The following SLC12A6 variants were observed in gnomAD, a reference collection of about 807,000 sequenced individuals.
The protein encoded by SLC12A6 is K-Cl cotransporter 3.
A neutral mutation model predicts 135.3 loss-of-function variants in SLC12A6; 66 were observed. The ratio of observed to expected loss-of-function variants is 0.49; its 90% confidence interval spans 0.40 to 0.60. The LOEUF is 0.60. Ranked by LOEUF, SLC12A6 falls within the 20% of genes least tolerant of loss-of-function variation. The probability of loss-of-function intolerance (pLI) is 0.00; values close to 1 mark genes in which losing one functional copy is unlikely to be tolerated. For synonymous variants in SLC12A6, 513 were observed against 508.8 expected (o/e 1.01, Z -0.11); for missense variants, 1,058 against 1,452.3 (o/e 0.73, Z 4.41).
rs1209514722 is a variant in SLC12A6 at position 34,336,507 on chromosome 15, C to G, written c.174G>C (p.Glu58Asp). The G allele has an allele frequency of 3.7e-6, 6 of 1,613,834 alleles. No individual in the cohort carries two copies. Among genetic ancestry groups the G allele is most frequent in the Non-Finnish European group, 4.2e-6 (5 of 1,179,842 alleles). Residue 58 changes from glutamate (E) to aspartate (D), a missense_variant, in exon 2 of 26, where the codon GAG becomes GAC. Coordinates refer to ENST00000354181, the MANE Select transcript of SLC12A6 (RefSeq NM_001365088.1). ...TGGCCCCAGACATCTCACTCATAGG[C>G]TCACTCCGGCTTGTTTCAGGCACGC... ...RESVPETSRS[E>D]PMSEMSGATT...
At position 34,328,396 on chromosome 15, in the gene SLC12A6, G is replaced by A. The variant is rs976642405; in HGVS notation, c.271+8014C>T. The stretch of plus-strand genomic sequence containing the variant: ...CTTAAAAATTCTTCAAAAGTAAGAC[G>A]CACCTGAATATCAGAAATGTTAAAA... On this transcript the variant is annotated intron_variant, in intron 2 of 25. Coordinates refer to ENST00000354181, the MANE Select transcript of SLC12A6 (RefSeq NM_001365088.1). Among the ~76,000 whole-genome samples, 12 of 152,232 alleles carry A rather than the reference G, an allele frequency of 7.9e-5. No individual in the cohort carries two copies. In the South Asian group the frequency reaches 1.9e-3, roughly 24 times the overall value.
intron 2 of SLC12A6, among the ~76,000 whole-genome samples, chr15:34,324,693 A>C (rs2141151176): frequency 6.6e-6 from 1 of 152,286 alleles, no homozygotes; most frequent in Admixed American, 6.5e-5. Flanking sequence ...TTTTCAATAT[A>C]AGGATTCTCT....
upstream of SLC12A6, chr15:34,337,981 G>A (rs535380516): frequency 3.3e-5 from 5 of 151,934 alleles, no homozygotes; most frequent in Admixed American, 2.0e-4. Flanking sequence ...GAAGCCCGGG[G>A]GTGCAGTGAG....
intron 2 of SLC12A6, among the ~76,000 whole-genome samples, 170 bp downstream of exon 2, chr15:34,336,240 A>T (rs1318517980): frequency 6.6e-6 from 1 of 152,198 alleles, no homozygotes; most frequent in Non-Finnish European, 1.5e-5. Context: ...GCAAAGAGCC[A>T]CTATGCTATT....
In SLC12A6 at chr15:34,235,313, C is replaced by T. The variant is rs755368320; in HGVS notation, c.3229G>A (p.Asp1077Asn). The stretch of plus-strand genomic sequence containing the variant: ...TGCATCCGCCTCACATTGGACTGGT[C>T]CCTGAGTGGGGAAGAAATAAAGGTT... ...GFQDLLNMRP[D>N]QSNVRRMHTA... The change falls in exon 25 of 26, where the codon GAC (aspartate) becomes AAC (asparagine). Residue 1077 changes from aspartate (D) to asparagine (N), a missense_variant and splice_region_variant. Asp to Asn is a conservative substitution (Grantham distance 23). This residue lies in a region of SLC12A6 where 245 missense variants were observed against 440.8 expected (regional missense o/e 0.56). Transcript: ENST00000354181. 1 of 1,612,864 alleles carries T rather than the reference C, an allele frequency of 6.2e-7. No individual in the cohort carries two copies. The highest frequency in any genetic ancestry group is 1.1e-5 in the South Asian group (1 of 91,016).
At chr15:34,254,754 G>A (rs1296814039) in intron 8 of SLC12A6, among the ~76,000 whole-genome samples, 165 bp from the exon 9 acceptor site, 1 of 120,750 alleles carries the variant, frequency 8.3e-6, no homozygotes, top group African/African-American at 2.7e-5. Context: ...TTCAGAAATG[G>A]GATGTCATGG....
rs1891341658 is a variant in SLC12A6 at position 34,237,403 on chromosome 15, A to G, written c.2934+16T>C. 1.9e-6 allele frequency: 3 copies of G among 1,610,170 alleles called. No individual in the cohort carries two copies. Among genetic ancestry groups the G allele is most frequent in the East Asian group, 4.5e-5 (2 of 44,732 alleles). Reference sequence around the variant, plus strand: ...GGGGGAATGAACCTCTTGTATCTCAAACTCAGCTTTCTCACCATCTCCACC... The same window carrying G: ...GGGGGAATGAACCTCTTGTATCTCAGACTCAGCTTTCTCACCATCTCCACC... On this transcript the variant is annotated intron_variant, in intron 22 of 25. Coordinates refer to ENST00000354181, the MANE Select transcript of SLC12A6 (RefSeq NM_001365088.1).
Position 34,257,712 on chromosome 15 carries a change from C to A in SLC12A6, c.620G>T (p.Arg207Leu). The A allele has an allele frequency of 6.2e-7, 1 of 1,611,074 alleles. No individual in the cohort carries two copies. Among genetic ancestry groups the A allele is most frequent in the African/African-American group, 1.3e-5 (1 of 74,836 alleles). The change falls in exon 6 of 26, where the codon CGC (arginine) becomes CTC (leucine). Residue 207 changes from arginine (R) to leucine (L), a missense_variant. Coordinates refer to ENST00000354181, the MANE Select transcript of SLC12A6 (RefSeq NM_001365088.1). The stretch of plus-strand genomic sequence containing the variant: ...AGCTGTGCCCACCACCCATGTAAGG[C>A]GTAAAAAAAGGATCACTCCAAAAAT... ...QNIFGVILFLRLTWVVGTAGV... is the reference protein window; with the variant it reads ...QNIFGVILFLLLTWVVGTAGV...
intron 4 of SLC12A6, among the ~76,000 whole-genome samples, chr15:34,260,494 G>A (rs1424287940): frequency 2.0e-5 from 3 of 152,212 alleles, no homozygotes; most frequent in Non-Finnish European, 4.4e-5. Context: ...TCCTAACCTT[G>A]TGATCCACCC....
chr15:34,246,995 C>T (rs1465590708), intron 13 of SLC12A6, among the ~76,000 whole-genome samples: 3 of 152,110 alleles, frequency 2.0e-5, no homozygotes, highest in Non-Finnish European at 4.4e-5. Context: ...CCAAAGGGAT[C>T]AATATCTTAA....
At chr15:34,282,102 T>C (rs1160578585) in intron 2 of SLC12A6, among the ~76,000 whole-genome samples, 1 of 152,138 alleles carries the variant, frequency 6.6e-6, no homozygotes, top group African/African-American at 2.4e-5. Context: ...GCTGCGATAG[T>C]AGCAAGGAAC....
chr15:34,247,901 GC>G (rs1892110033), intron 13 of SLC12A6, among the ~76,000 whole-genome samples: 1 of 152,038 alleles, frequency 6.6e-6, no homozygotes, highest in Non-Finnish European at 1.5e-5. Flanking sequence ...ACAAAGTCTT[GC>G]TATGTTGCCT....
chr15:34,325,955 C>A (rs748674779), intron 2 of SLC12A6, among the ~76,000 whole-genome samples: 8 of 152,208 alleles, frequency 5.3e-5, no homozygotes, highest in Non-Finnish European at 8.8e-5. Flanking sequence ...CAACACACCA[C>A]CACCTGCCCA....
At chr15:34,251,241 G>GT (rs915243572) in intron 10 of SLC12A6, among the ~76,000 whole-genome samples, 184 bp from the exon 11 acceptor site, 51 of 148,684 alleles carry the variant, frequency 3.4e-4, no homozygotes, top group East Asian at 9.8e-4. Flanking sequence ...TAAAAACATA[G>GT]TTTTTTTTTT....
Position 34,233,048 on chromosome 15 carries a change from C to T in SLC12A6, c.*833G>A, listed in dbSNP as rs576065325. On this transcript the variant is annotated 3_prime_UTR_variant, in exon 26 of 26. Coordinates refer to ENST00000354181, the MANE Select transcript of SLC12A6 (RefSeq NM_001365088.1). ...TTAGACAACAGCTTGTATGTTTTGT[C>T]CATGTTGTATAGAGAACCACAGACT... 6.6e-6 allele frequency: 1 copy of T among 152,070 alleles called. No individual in the cohort carries two copies. The highest frequency in any genetic ancestry group is 1.5e-5 in the Non-Finnish European group (1 of 68,012). 9.4% of individuals were successfully genotyped at this position (152,070 alleles called of 1,614,324 possible).
chr15:34,270,578 G>A (rs770307981), intron 3 of SLC12A6, among the ~76,000 whole-genome samples: 4 of 152,054 alleles, frequency 2.6e-5, no homozygotes, highest in South Asian at 2.1e-4. Context: ...CGAGACAGGC[G>A]GATCACTTGA....
Position 34,252,263 on chromosome 15 carries a change from G to C in SLC12A6, c.1240C>G (p.Gln414Glu), listed in dbSNP as rs1188804119. 4 of 1,607,758 alleles carry C rather than the reference G, an allele frequency of 2.5e-6. No homozygotes were observed. Among genetic ancestry groups the C allele is most frequent in the Non-Finnish European group, 3.4e-6 (4 of 1,174,274 alleles). ...KLWGFFCNSS[Q>E]FFNATCDEYF... is the part of the protein sequence containing the mutation. ...TCATCACAGGTGGCATTGAAAAATT[G>C]ACTCGAGTTACAGAAGAATCCCCAT... The change falls in exon 10 of 26, where the codon CAA (glutamine) becomes GAA (glutamate). Residue 414 changes from glutamine to glutamate, a missense_variant. By Grantham distance (29) the Gln-to-Glu change is conservative. Coordinates refer to ENST00000354181, the MANE Select transcript of SLC12A6 (RefSeq NM_001365088.1).
At chr15:34,238,569 A>G (rs1226718870) in intron 20 of SLC12A6, 168 bp from the exon 21 acceptor site, 1 of 667,992 alleles carries the variant, frequency 1.5e-6, no homozygotes, top group Admixed American at 2.2e-5. Context: ...AAAAATCTGA[A>G]TAGCTAACAG....
At chr15:34,261,881 A>C (rs1470234731) in intron 3 of SLC12A6, among the ~76,000 whole-genome samples, 1 of 152,230 alleles carries the variant, frequency 6.6e-6, no homozygotes, top group Non-Finnish European at 1.5e-5. Flanking sequence ...TGTGGAGAAA[A>C]AGAAATGCTT....
Sources: gnomAD v4.1 joint callset for allele counts (sites outside exome capture counted in the v4.1 genomes callset) on GRCh38, gnomAD v4.1.1 for gene constraint, gnomAD v4.1.1 regional missense constraint, MANE v1.5 for transcripts, NCBI Gene and HGNC (gene_info 2026-07-23, HGNC 2026-07-21) for gene names.